Variants in LRRC4C observed in about 807,000 individuals in gnomAD.
LRRC4C encodes the protein leucine-rich repeat-containing protein 4C.
LRRC4C carries 5 observed loss-of-function variants against 33.6 expected under a neutral mutation model. That is an observed-to-expected ratio of 0.15 (90% CI 0.08 to 0.31). LRRC4C has a LOEUF of 0.31. LRRC4C is among the 10% of genes least tolerant of loss of function. The pLI is 1.00. For synonymous variants in LRRC4C, 329 were observed against 302.0 expected (o/e 1.09, Z -0.93); for missense variants, 560 against 796.7 (o/e 0.70, Z 3.58).
At chr11:40,952,467 T>C (rs1175183359) in intron 1 of LRRC4C, among the ~76,000 whole-genome samples, 2 of 151,988 alleles carry the variant, frequency 1.3e-5, no homozygotes, top group Non-Finnish European at 2.9e-5. Context: ...ATGCTCTTTT[T>C]CTAAGCTTTC....
intron 1 of LRRC4C, among the ~76,000 whole-genome samples, chr11:41,147,073 T>C (rs926508650): frequency 6.6e-6 from 1 of 152,226 alleles, no homozygotes; most frequent in African/African-American, 2.4e-5. Flanking sequence ...CTTGCATTTT[T>C]AGAAAGTAGT....
intron 1 of LRRC4C, among the ~76,000 whole-genome samples, chr11:41,313,016 T>A (rs1950686304): frequency 6.6e-6 from 1 of 152,222 alleles, no homozygotes; most frequent in Admixed American, 6.5e-5. Flanking sequence ...GTAATTAACT[T>A]TACCTCTCTT....
At chr11:40,819,704 A>C (rs1394943341) in intron 2 of LRRC4C, among the ~76,000 whole-genome samples, 2 of 152,052 alleles carry the variant, frequency 1.3e-5, no homozygotes, top group Non-Finnish European at 2.9e-5. Flanking sequence ...GCAGAAAATA[A>C]ATGCCAGGGA....
At chr11:40,685,465 A>G (rs1488778190) in intron 2 of LRRC4C, among the ~76,000 whole-genome samples, 1 of 152,062 alleles carries the variant, frequency 6.6e-6, no homozygotes, top group Non-Finnish European at 1.5e-5. Context: ...TAAGGTGGGC[A>G]AGCTGAATAG....
intron 1 of LRRC4C, among the ~76,000 whole-genome samples, chr11:41,252,980 G>A (rs1413471350): frequency 6.6e-6 from 1 of 152,180 alleles, no homozygotes; most frequent in Non-Finnish European, 1.5e-5. Context: ...AATTCAAGAT[G>A]AGACTTGGAT....
rs868649366 is a variant in LRRC4C at position 41,297,836 on chromosome 11, G to A, written c.-496+161595C>T. Among the ~76,000 whole-genome samples the A allele has an allele frequency of 5.9e-5, 9 of 152,040 alleles. No homozygotes were observed. The South Asian group carries it at 6.2e-4, about 11-fold the overall frequency. Reference sequence around the variant, plus strand: ...GATAGATCAGGAAGCATATTTATCCGCAGAATCTGGTATTCAGAAATAACA... The same window carrying A: ...GATAGATCAGGAAGCATATTTATCCACAGAATCTGGTATTCAGAAATAACA... On this transcript the variant is annotated intron_variant, in intron 1 of 6. Coordinates refer to ENST00000528697, the MANE Select transcript of LRRC4C (RefSeq NM_001258419.2).
At chr11:40,600,116 A>G (rs189774165) in intron 3 of LRRC4C, among the ~76,000 whole-genome samples, 1 of 152,342 alleles carries the variant, frequency 6.6e-6, no homozygotes, top group African/African-American at 2.4e-5. Context: ...GAATAGAATC[A>G]GCCTGGGAGA....
chr11:40,114,937 A>AGAG lies in LRRC4C; in HGVS notation c.1353_1355dup (p.Ser452dup), dbSNP rs1190354808. The AGAG allele has an allele frequency of 6.2e-7, 1 of 1,614,088 alleles. No individual in the cohort carries two copies. Reference sequence around the variant, plus strand: ...TCTCTACTGTGACGGTTGAAAAGTAAGAGAAAGGAGTAGTGGTTGCTGCAG... The same window carrying AGAG: ...TCTCTACTGTGACGGTTGAAAAGTAAGAGGAGAAAGGAGTAGTGGTTGCTGCAG... On this transcript the variant is annotated inframe_insertion, in exon 7 of 7. Transcript: ENST00000528697.
At chr11:40,562,561 A>G (rs1957591622) in intron 3 of LRRC4C, among the ~76,000 whole-genome samples, 1 of 152,204 alleles carries the variant, frequency 6.6e-6, no homozygotes, top group Non-Finnish European at 1.5e-5. Context: ...CACTTGCACG[A>G]ATCACAAATC....
chr11:40,473,629 A>AG (rs1207262917), intron 3 of LRRC4C, among the ~76,000 whole-genome samples: 1 of 152,182 alleles, frequency 6.6e-6, no homozygotes, highest in African/African-American at 2.4e-5. Context: ...AAAGAAATAA[A>AG]GGGTACTCAA....
intron 1 of LRRC4C, among the ~76,000 whole-genome samples, chr11:41,006,374 C>T (rs1158875312): frequency 2.0e-5 from 3 of 152,166 alleles, no homozygotes; most frequent in African/African-American, 7.2e-5. Context: ...CAGAGTCTTA[C>T]CCCAGTGCTG....
intron 1 of LRRC4C, among the ~76,000 whole-genome samples, chr11:41,200,873 T>C (rs1946375106): frequency 6.6e-6 from 1 of 152,230 alleles, no homozygotes; most frequent in Non-Finnish European, 1.5e-5. Flanking sequence ...AAGAATGTTG[T>C]AGAACTCAGC....
intron 3 of LRRC4C, among the ~76,000 whole-genome samples, chr11:40,520,544 C>A (rs1438497167): frequency 6.6e-6 from 1 of 152,106 alleles, no homozygotes; most frequent in Non-Finnish European, 1.5e-5. Context: ...AATTAGAACA[C>A]ACACAACATT....
At chr11:41,005,657 C>T (rs895302332) in intron 1 of LRRC4C, among the ~76,000 whole-genome samples, 5 of 152,046 alleles carry the variant, frequency 3.3e-5, no homozygotes, top group Non-Finnish European at 7.4e-5. Flanking sequence ...CACTCTCTGT[C>T]TTGCTCTCTC....
intron 3 of LRRC4C, among the ~76,000 whole-genome samples, chr11:40,531,406 C>T (rs1029621667): frequency 6.6e-6 from 1 of 151,954 alleles, no homozygotes; most frequent in African/African-American, 2.4e-5. Context: ...TACAAAGGGA[C>T]TGTGATATGT....
At position 40,743,472 on chromosome 11, in the gene LRRC4C, A is replaced by G. The variant is rs534554688; in HGVS notation, c.-406-95194T>C. Among the ~76,000 whole-genome samples, 12 of 152,210 alleles carry G rather than the reference A, an allele frequency of 7.9e-5. No individual in the cohort carries two copies. In the South Asian group the frequency reaches 2.3e-3, roughly 29 times the overall value. On this transcript the variant is annotated intron_variant, in intron 2 of 6. Transcript: ENST00000528697. Reference sequence around the variant, plus strand: ...GAGATGCATTCACTTCTGAAAACGTAGGGGAAAATCTCTTTCCTTGCCTAT... The same window carrying G: ...GAGATGCATTCACTTCTGAAAACGTGGGGGAAAATCTCTTTCCTTGCCTAT...
intron 1 of LRRC4C, among the ~76,000 whole-genome samples, chr11:41,155,368 T>C (rs1944181749): frequency 6.6e-6 from 1 of 152,158 alleles, no homozygotes; most frequent in Non-Finnish European, 1.5e-5. Context: ...TGTATGGTTA[T>C]TGGAATCCAT....
chr11:40,796,348 T>C (rs1056607392), intron 2 of LRRC4C, among the ~76,000 whole-genome samples: 3 of 152,156 alleles, frequency 2.0e-5, no homozygotes, highest in African/African-American at 7.2e-5. Context: ...CAGGGTAAAC[T>C]CTGAAGTTCA....
chr11:41,245,757 C>T (rs1188380289), intron 1 of LRRC4C, among the ~76,000 whole-genome samples: 1 of 152,192 alleles, frequency 6.6e-6, no homozygotes, highest in Admixed American at 6.5e-5. Flanking sequence ...GTCCTGCATC[C>T]AGGAAGAATG....
Sources: allele counts gnomAD v4.1 joint callset (sites outside exome capture counted in the v4.1 genomes callset), GRCh38; gene constraint gnomAD v4.1.1; transcripts MANE v1.5; gene names NCBI Gene and HGNC (gene_info 2026-07-23, HGNC 2026-07-21).